The following PTPRS variants were observed in gnomAD, a reference collection of about 807,000 sequenced individuals.
PTPRS encodes protein tyrosine phosphatase receptor type S.
Under a neutral mutation model 215.3 loss-of-function variants are expected in PTPRS, and 63 were observed. The ratio of observed to expected loss-of-function variants is 0.29; its 90% CI spans 0.24 to 0.36. PTPRS has a LOEUF of 0.36. Ranked by LOEUF, PTPRS falls within the 10% of genes least tolerant of loss-of-function variation. PTPRS has a pLI of 1.00. For synonymous variants in PTPRS, 1,404 were observed against 1,191.4 expected (o/e 1.18, Z -3.68); for missense variants, 2,258 against 2,825.8 (o/e 0.80, Z 4.56).
intron 13 of PTPRS, among the ~76,000 whole-genome samples, chr19:5,235,022 G>A (rs1377859840): frequency 6.6e-6 from 1 of 150,604 alleles, no homozygotes; most frequent in African/African-American, 2.4e-5. Context: ...CTCACTGCAA[G>A]CTCTGCTGCT....
intron 13 of PTPRS, 31 bp downstream of exon 13, chr19:5,238,888 G>A (rs752213513): frequency 8.3e-6 from 13 of 1,558,328 alleles, no homozygotes; most frequent in Admixed American, 2.0e-5. Flanking sequence ...GGTCCCTCCC[G>A]CAGAGAAGGG....
intron 11 of PTPRS, 102 bp from the exon 12 acceptor site, chr19:5,240,434 G>T: frequency 8.2e-7 from 1 of 1,215,724 alleles, no homozygotes; most frequent in Non-Finnish European, 1.1e-6. Flanking sequence ...AGCTCTGGGT[G>T]CTTCTAGAAT....
chr19:5,319,659 C>G (rs1479054476), intron 1 of PTPRS, among the ~76,000 whole-genome samples: 3 of 152,018 alleles, frequency 2.0e-5, no homozygotes, highest in African/African-American at 7.3e-5. Flanking sequence ...CCATCACTCA[C>G]TGGGCTCCAG....
chr19:5,221,078 G>A lies in PTPRS; in HGVS notation c.3377C>T (p.Pro1126Leu). ...WTAFNLLNGK[P>L]SVAPKPDADG... The stretch of plus-strand genomic sequence containing the variant: ...AGCATCAGGCTTGGGGGCGACGCTG[G>A]GCTTGCCGTTGAGCAGGTTGAAGGC... Residue 1126 changes from proline to leucine, a missense_variant, in exon 20 of 38, where the codon CCC (proline) becomes CTC (leucine). Pro to Leu is a moderately conservative substitution (Grantham distance 98, BLOSUM62 -3). Coordinates refer to ENST00000262963, the MANE Select transcript of PTPRS (RefSeq NM_002850.4). 1 of 1,613,952 alleles carries A rather than the reference G, an allele frequency of 6.2e-7. No individual in the cohort carries two copies. Among genetic ancestry groups the A allele is most frequent in the Admixed American group, 1.7e-5 (1 of 60,020 alleles).
chr19:5,337,093 G>C (rs1441709044), intron 1 of PTPRS, among the ~76,000 whole-genome samples: 1 of 152,138 alleles, frequency 6.6e-6, no homozygotes, highest in Non-Finnish European at 1.5e-5. Context: ...CAAACCTAAA[G>C]CTCATCTCAA....
At chr19:5,312,239 C>T (rs2049730415) in intron 1 of PTPRS, among the ~76,000 whole-genome samples, 1 of 152,062 alleles carries the variant, frequency 6.6e-6, no homozygotes, top group South Asian at 2.1e-4. Flanking sequence ...GTACGCAGCC[C>T]TGAAAAAGAC....
At chr19:5,277,190 G>T (rs1046239367) in intron 2 of PTPRS, among the ~76,000 whole-genome samples, 1 of 151,718 alleles carries the variant, frequency 6.6e-6, no homozygotes, top group Non-Finnish European at 1.5e-5. Context: ...CTCCCAAGTA[G>T]CTGGGACTAC....
intron 1 of PTPRS, among the ~76,000 whole-genome samples, chr19:5,292,172 G>C (rs962643753): frequency 1.3e-5 from 2 of 152,070 alleles, no homozygotes; most frequent in Non-Finnish European, 2.9e-5. Flanking sequence ...CCCCAGGAAC[G>C]TGGCAAAGCC....
chr19:5,214,186 G>A (rs1041073278), intron 30 of PTPRS, among the ~76,000 whole-genome samples, 175 bp downstream of exon 30: 2 of 152,226 alleles, frequency 1.3e-5, no homozygotes, highest in African/African-American at 4.8e-5. Context: ...TCCTCTCTGA[G>A]CCTCAGTTTC....
intron 3 of PTPRS, 87 bp from the exon 4 acceptor site, chr19:5,273,670 G>A (rs1234488864): frequency 2.0e-6 from 3 of 1,497,526 alleles, no homozygotes; most frequent in South Asian, 1.2e-5. Context: ...GGGCTGTAGG[G>A]GAATGGCAGT....
chr19:5,270,965 C>G (rs1421444746), intron 4 of PTPRS, among the ~76,000 whole-genome samples: 1 of 152,162 alleles, frequency 6.6e-6, no homozygotes, highest in Non-Finnish European at 1.5e-5. Flanking sequence ...GATGACTGTA[C>G]AGGTCACTCG....
At chr19:5,340,443 C>G (rs1394752542) in intron 1 of PTPRS, among the ~76,000 whole-genome samples, 2 of 150,982 alleles carry the variant, frequency 1.3e-5, no homozygotes, top group African/African-American at 2.4e-5. Context: ...AGCGCGGCCC[C>G]GGCCCTGTCC....
At chr19:5,263,145 C>A (rs1053558359) in intron 5 of PTPRS, among the ~76,000 whole-genome samples, 173 bp from the exon 6 acceptor site, 11 of 151,990 alleles carry the variant, frequency 7.2e-5, no homozygotes, top group Non-Finnish European at 1.3e-4. Flanking sequence ...TCACTGAGCA[C>A]CTAGCAGGCG....
rs1253675924 is a variant in PTPRS at position 5,257,948 on chromosome 19, G to A, written c.706+69C>T. 7 of 1,373,380 alleles carry A rather than the reference G, an allele frequency of 5.1e-6. No individual in the cohort carries two copies. Among genetic ancestry groups the A allele is most frequent in the Non-Finnish European group, 7.1e-6 (7 of 984,664 alleles). The allele number at this position is 1,373,380 out of a possible 1,614,324, so 85.1% of individuals were successfully genotyped here. A position where few individuals can be genotyped will look rare whatever the true frequency, so the allele number is the denominator to read the frequency against. ...GGGGACGGGGGAGCCCGGAGGCGGT[G>A]AGCCCGAGGAGGGAGGGGGATGGGA... On this transcript the variant is annotated intron_variant, in intron 8 of 37. Coordinates refer to ENST00000262963, the MANE Select transcript of PTPRS (RefSeq NM_002850.4). This position sits in a 1 kb window ranked among gnomAD's most constrained non-coding sequence, Gnocchi z 4.4.
intron 1 of PTPRS, among the ~76,000 whole-genome samples, chr19:5,289,840 C>A (rs1298217947): frequency 1.3e-5 from 2 of 152,160 alleles, no homozygotes; most frequent in Admixed American, 6.5e-5. Context: ...CAGAGAGGTG[C>A]ACATAGACTA....
intron 2 of PTPRS, among the ~76,000 whole-genome samples, chr19:5,284,211 T>C (rs1366599170): frequency 1.3e-5 from 2 of 150,702 alleles, no homozygotes; most frequent in Non-Finnish European, 3.0e-5. Context: ...ATACAAAAAA[T>C]TAGCCGGGTG....
chr19:5,302,391 T>A (rs1181297119), intron 1 of PTPRS, among the ~76,000 whole-genome samples: 1 of 152,076 alleles, frequency 6.6e-6, no homozygotes, highest in Non-Finnish European at 1.5e-5. Context: ...TGCCACTGTC[T>A]CCCGTCTTTT....
chr19:5,238,807 G>A, intron 13 of PTPRS, 112 bp downstream of exon 13: 1 of 1,375,552 alleles, frequency 7.3e-7, no homozygotes, highest in Non-Finnish European at 9.5e-7. Context: ...CAGGCCGGGA[G>A]GCGCCCCCCA....
chr19:5,257,325 G>C lies in PTPRS; in HGVS notation c.706+692C>G. ...GGGAATTGGAAACTGAGAGTAACAA[G>C]CTTCGCTGGGTGCCGTGCCTGCCCC... is the stretch of plus-strand genomic sequence containing the variant. On this transcript the variant is annotated intron_variant, in intron 8 of 37. Coordinates refer to ENST00000262963, the MANE Select transcript of PTPRS (RefSeq NM_002850.4). This position sits in a 1 kb window ranked among gnomAD's most constrained non-coding sequence, Gnocchi z 4.4. 1 of 428,624 alleles carries C rather than the reference G, an allele frequency of 2.3e-6. No homozygotes were observed. The highest frequency in any genetic ancestry group is 1.6e-5 in the South Asian group (1 of 61,804). 26.6% of individuals were successfully genotyped at this position (428,624 alleles called of 1,614,324 possible).
Sources: allele counts gnomAD v4.1 joint callset (sites outside exome capture counted in the v4.1 genomes callset), GRCh38; gene constraint gnomAD v4.1.1; non-coding constraint Gnocchi (gnomAD v3.1); transcripts MANE v1.5; gene names NCBI Gene and HGNC (gene_info 2026-07-23, HGNC 2026-07-21).